Variants in OR7C1 observed in about 807,000 individuals in gnomAD.
OR7C1 encodes olfactory receptor family 7 subfamily C member 1.
For synonymous variants in OR7C1, 152 were observed against 160.7 expected (o/e 0.95, Z 0.41); for missense variants, 324 against 383.3 (o/e 0.85, Z 1.29).
chr19:14,814,580 T>A (rs1316177456), intron 1 of OR7C1, among the ~76,000 whole-genome samples: 2 of 152,098 alleles, frequency 1.3e-5, no homozygotes, highest in Admixed American at 6.6e-5. Context: ...CCCACCACCA[T>A]GCCCAGCTAA....
At chr19:14,810,951 C>T (rs895463942) in intron 1 of OR7C1, among the ~76,000 whole-genome samples, 1 of 151,456 alleles carries the variant, frequency 6.6e-6, no homozygotes, top group Non-Finnish European at 1.5e-5. Context: ...CATTTCTTCC[C>T]AATGGGAAGG....
intron 2 of OR7C1, among the ~76,000 whole-genome samples, chr19:14,804,620 A>G (rs1186695568): frequency 5.9e-5 from 9 of 152,048 alleles, no homozygotes; most frequent in Non-Finnish European, 1.2e-4. Flanking sequence ...CTTCGTTTAC[A>G]TGCAATCTCA....
rs150851599 is a variant in OR7C1, at chr19:14,827,878, G to A, written c.-623+7196C>T. On this transcript the variant is annotated intron_variant, in intron 1 of 4. Coordinates refer to ENST00000641666, the Ensembl canonical transcript of OR7C1. Reference sequence around the variant, plus strand: ...AGGGGGTGACAGATGGCCACAAACCGGTCATAGGCCATCACGGACAGGAGG... The same window carrying A: ...AGGGGGTGACAGATGGCCACAAACCAGTCATAGGCCATCACGGACAGGAGG... 9.0e-5 allele frequency: 146 copies of A among 1,614,168 alleles called. No homozygotes were observed. The East Asian group carries it at 1.2e-3, about 13-fold the overall frequency.
In OR7C1 at chr19:14,810,915, T is replaced by C. The variant is rs1428162245; in HGVS notation, c.-622-922A>G. Among the ~76,000 whole-genome samples, 2 of 151,654 alleles carry C rather than the reference T, an allele frequency of 1.3e-5. 1 individual carries two copies. Among genetic ancestry groups the C allele is most frequent in the South Asian group, 4.4e-4 (2 of 4,540 alleles). ...ATCCACATGATCTAATTTTTTGGGC[T>C]ATATTTCTATGTATGTTATTTGGAG... On this transcript the variant is annotated intron_variant, in intron 1 of 4. Coordinates refer to ENST00000641666, the Ensembl canonical transcript of OR7C1.
At chr19:14,816,817 G>A (rs2044718423) in intron 1 of OR7C1, among the ~76,000 whole-genome samples, 1 of 152,180 alleles carries the variant, frequency 6.6e-6, no homozygotes, top group East Asian at 1.9e-4. Context: ...ATATCTGGAA[G>A]GCAGGTGAGT....
chr19:14,817,324 G>C (rs900533838), intron 1 of OR7C1, among the ~76,000 whole-genome samples: 1 of 152,144 alleles, frequency 6.6e-6, no homozygotes, highest in Non-Finnish European at 1.5e-5. Context: ...GTCTGTTGTT[G>C]ATGGGCATTT....
intron 1 of OR7C1, among the ~76,000 whole-genome samples, chr19:14,811,583 AG>A (rs147668695): frequency 0.015 from 2,203 of 151,754 alleles, 37 homozygotes; most frequent in Non-Finnish European, 0.018. Flanking sequence ...CTTATCCTTT[AG>A]GGGGGCCAAC....
intron 1 of OR7C1, among the ~76,000 whole-genome samples, chr19:14,821,674 A>G (rs1376474542): frequency 1.3e-5 from 2 of 152,134 alleles, no homozygotes; most frequent in Non-Finnish European, 2.9e-5. Context: ...TACCCTTATC[A>G]TATATGATGT....
At chr19:14,814,982 G>A (rs2044709672) in intron 1 of OR7C1, among the ~76,000 whole-genome samples, 1 of 152,192 alleles carries the variant, frequency 6.6e-6, no homozygotes, top group Non-Finnish European at 1.5e-5. Flanking sequence ...CAAGCATTAA[G>A]TCACACACCC....
chr19:14,799,540 T>TA lies in OR7C1; in HGVS notation c.596dup (p.Tyr200IlefsTer21), dbSNP rs771643791. 1 of 1,614,120 alleles carries TA rather than the reference T, an allele frequency of 6.2e-7. No individual in the cohort carries two copies. Among genetic ancestry groups the TA allele is most frequent in the Non-Finnish European group, 8.5e-7 (1 of 1,180,048 alleles). The stretch of plus-strand genomic sequence containing the variant: ...CACCCAGGACGCCAGTTGCAAAGTA[T>TA]ATCACCACGTTATTAATGAAGGTGT... On this transcript the variant is annotated frameshift_variant, in exon 5 of 5. Coordinates refer to ENST00000641666, the Ensembl canonical transcript of OR7C1. LOFTEE classifies it low-confidence loss of function (END_TRUNC).
At chr19:14,798,937 A>AT (rs965370687) in exon 5 of OR7C1, 31 of 409,214 alleles carry the variant, frequency 7.6e-5, no homozygotes, top group Admixed American at 4.1e-4. Context: ...CTGCAGCTCG[A>AT]TTTTTCAGGC....
intron 2 of OR7C1, among the ~76,000 whole-genome samples, chr19:14,803,762 T>C (rs561183567): frequency 1.3e-4 from 19 of 151,592 alleles, no homozygotes; most frequent in Non-Finnish European, 2.2e-4. Context: ...CAGGCTGGAG[T>C]GCAGTGGCGC....
chr19:14,800,396 C>A lies in OR7C1; in HGVS notation c.-154G>T, dbSNP rs1599910901. ...GGCTTCTCAAAGTGTTGTCCATGAA[C>A]CAACAAGATCAACAAGAGTTTCTTT... On this transcript the variant is annotated 5_prime_UTR_variant, in exon 4 of 5. Coordinates refer to ENST00000641666, the Ensembl canonical transcript of OR7C1. The A allele has an allele frequency of 1.8e-5, 7 of 399,864 alleles. No homozygotes were observed. The East Asian group carries it at 2.5e-4, about 14-fold the overall frequency. The allele number at this position is 399,864 out of a possible 1,614,324, so 24.8% of individuals were successfully genotyped here. A position where few individuals can be genotyped will look rare whatever the true frequency, so the allele number is the denominator to read the frequency against.
chr19:14,823,330 T>G (rs1461242384), intron 1 of OR7C1, among the ~76,000 whole-genome samples: 1 of 152,140 alleles, frequency 6.6e-6, no homozygotes, highest in African/African-American at 2.4e-5. Flanking sequence ...CATGTGCCTG[T>G]AATCCCAGCT....
intron 2 of OR7C1, among the ~76,000 whole-genome samples, chr19:14,801,316 A>G (rs746675614): frequency 2.0e-5 from 3 of 152,082 alleles, no homozygotes; most frequent in Admixed American, 6.5e-5. Context: ...TATAAAGCCA[A>G]TGTTTCATTT....
chr19:14,823,439 A>G (rs1452322418), intron 1 of OR7C1, among the ~76,000 whole-genome samples: 1 of 152,170 alleles, frequency 6.6e-6, no homozygotes, highest in Non-Finnish European at 1.5e-5. Flanking sequence ...GCGACAGAGC[A>G]AGACTCCGTC....
chr19:14,806,156 G>A (rs1341187567), intron 2 of OR7C1, among the ~76,000 whole-genome samples: 1 of 151,768 alleles, frequency 6.6e-6, no homozygotes, highest in Non-Finnish European at 1.5e-5. Context: ...GAATACCTGG[G>A]CAATACCTAG....
intron 1 of OR7C1, among the ~76,000 whole-genome samples, chr19:14,831,667 TCTC>T (rs2044834056): frequency 6.6e-6 from 1 of 151,992 alleles, no homozygotes; most frequent in African/African-American, 2.4e-5. Context: ...ATGGTCTCGA[TCTC>T]CTGACCTCGT....
exon 5 of OR7C1, chr19:14,800,082 C>G: frequency 1.9e-6 from 3 of 1,601,920 alleles, no homozygotes; most frequent in South Asian, 2.2e-5. Context: ...TCTGACGTTG[C>G]TGAAAATCCC....
Sources: allele counts gnomAD v4.1 joint callset (sites outside exome capture counted in the v4.1 genomes callset), GRCh38; gene constraint gnomAD v4.1.1; transcripts MANE v1.5; gene names NCBI Gene and HGNC (gene_info 2026-07-23, HGNC 2026-07-21).